SPATA16: variants seen among roughly 807,000 people sequenced by gnomAD.
SPATA16 encodes the protein spermatogenesis-associated protein 16.
SPATA16 carries 36 observed loss-of-function variants against 63.3 expected under a neutral mutation model. The observed-to-expected ratio is 0.57, with a 90% CI of 0.44 to 0.75. The LOEUF is 0.75. SPATA16 is among the 30% of genes least tolerant of loss of function. The probability of loss-of-function intolerance (pLI) is 0.00; values close to 1 mark genes in which losing one functional copy is unlikely to be tolerated. For missense variants in SPATA16, 646 were observed against 679.3 expected (o/e 0.95, Z 0.54); for synonymous variants, 203 against 216.7 (o/e 0.94, Z 0.56).
At chr3:172,998,555 A>G (rs552088801) in intron 4 of SPATA16, among the ~76,000 whole-genome samples, 1 of 152,158 alleles carries the variant, frequency 6.6e-6, no homozygotes, top group Admixed American at 6.6e-5. Context: ...TTATTGTATT[A>G]GCTAAGACTT....
At chr3:173,128,387 C>A (rs1738283566) in intron 1 of SPATA16, among the ~76,000 whole-genome samples, 1 of 152,174 alleles carries the variant, frequency 6.6e-6, no homozygotes, top group South Asian at 2.1e-4. Flanking sequence ...TCTGTAATGA[C>A]CTGTGTCAGT....
intron 6 of SPATA16, among the ~76,000 whole-genome samples, chr3:172,926,181 A>T (rs757047924): frequency 4.9e-5 from 5 of 102,218 alleles, no homozygotes; most frequent in Admixed American, 2.7e-4. Flanking sequence ...TGTTAGTTAT[A>T]AAAAAAAAAG....
chr3:173,064,294 C>T (rs538640587), intron 2 of SPATA16, among the ~76,000 whole-genome samples: 21 of 131,776 alleles, frequency 1.6e-4, no homozygotes, highest in African/African-American at 3.9e-4. Context: ...AGCAACAGAG[C>T]GAAACTCCAT....
intron 6 of SPATA16, 101 bp from the exon 7 acceptor site, chr3:172,925,593 T>A: frequency 7.1e-7 from 1 of 1,408,814 alleles, no homozygotes; most frequent in African/African-American, 1.4e-5. Context: ...GAAAAAATAA[T>A]AACTATAAAT....
intron 4 of SPATA16, among the ~76,000 whole-genome samples, chr3:173,009,666 G>A (rs576676833): frequency 6.6e-6 from 1 of 152,352 alleles, no homozygotes; most frequent in East Asian, 1.9e-4. Flanking sequence ...CTCTGCTGCT[G>A]CTCGCCAGGC....
At chr3:172,945,330 G>T (rs1219826536) in intron 6 of SPATA16, among the ~76,000 whole-genome samples, 5 of 152,128 alleles carry the variant, frequency 3.3e-5, no homozygotes, top group African/African-American at 1.2e-4. Flanking sequence ...CTAATAAGGA[G>T]GAGGCAGAGC....
intron 5 of SPATA16, among the ~76,000 whole-genome samples, chr3:172,972,770 C>G (rs1185682595): frequency 6.6e-6 from 1 of 152,074 alleles, no homozygotes; most frequent in African/African-American, 2.4e-5. Context: ...CTGACGAAGA[C>G]TTGAGAGTTT....
chr3:173,057,479 A>G (rs1026100461), intron 2 of SPATA16, among the ~76,000 whole-genome samples: 2 of 150,150 alleles, frequency 1.3e-5, no homozygotes, highest in Non-Finnish European at 3.0e-5. Context: ...ATTCCTATCT[A>G]TTAGGCTCTC....
chr3:172,956,568 C>T, intron 6 of SPATA16, 109 bp downstream of exon 6: 2 of 1,223,490 alleles, frequency 1.6e-6, no homozygotes, highest in Non-Finnish European at 2.3e-6. Context: ...CAGATGAAAA[C>T]AGTGTACTCC....
Position 173,051,781 on chromosome 3 carries a change from T to G in SPATA16, c.613-2687A>C, listed in dbSNP as rs527324215. Among the ~76,000 whole-genome samples the G allele has an allele frequency of 4.3e-4, 66 of 151,960 alleles. 1 individual carries two copies. Among genetic ancestry groups the G allele is most frequent in the Non-Finnish European group, 8.8e-4 (60 of 67,958 alleles). On this transcript the variant is annotated intron_variant, in intron 2 of 10. Coordinates refer to ENST00000351008, the MANE Select transcript of SPATA16 (RefSeq NM_031955.6). The stretch of plus-strand genomic sequence containing the variant: ...TTCCTATCCTTGTTTCTCTCTGATG[T>G]GATGGTGTGGAAGAGCCTCTTTTTA...
intron 2 of SPATA16, among the ~76,000 whole-genome samples, chr3:173,080,979 A>G (rs1736909066): frequency 6.6e-6 from 1 of 152,180 alleles, no homozygotes; most frequent in Non-Finnish European, 1.5e-5. Flanking sequence ...CCAGCCTGCA[A>G]GTGCTCTGTT....
intron 1 of SPATA16, among the ~76,000 whole-genome samples, chr3:173,119,415 A>G (rs2108338772): frequency 6.6e-6 from 1 of 152,328 alleles, no homozygotes. Context: ...TAACCTTTGA[A>G]GTACTTTCCC....
At chr3:173,129,737 C>T (rs965184855) in intron 1 of SPATA16, among the ~76,000 whole-genome samples, 5 of 152,016 alleles carry the variant, frequency 3.3e-5, no homozygotes, top group South Asian at 2.1e-4. Context: ...ACATGAAAAT[C>T]GAGTCAAGAC....
intron 6 of SPATA16, among the ~76,000 whole-genome samples, chr3:172,954,941 C>T (rs1228306672): frequency 6.6e-6 from 1 of 152,180 alleles, no homozygotes; most frequent in Non-Finnish European, 1.5e-5. Context: ...TATCAAGATT[C>T]TCTATAGCAC....
intron 3 of SPATA16, among the ~76,000 whole-genome samples, chr3:173,041,794 C>T (rs115667185): frequency 0.029 from 4,374 of 150,302 alleles, 210 homozygotes; most frequent in African/African-American, 0.099. Context: ...CATCACACAC[C>T]GGGGCTGTTG....
chr3:173,100,707 C>CACAGAG (rs1553803001), intron 2 of SPATA16, among the ~76,000 whole-genome samples: 1 of 143,930 alleles, frequency 6.9e-6, no homozygotes. Flanking sequence ...CACACACACA[C>CACAGAG]AGAGTAAATT....
In SPATA16 at chr3:172,997,327, A is replaced by G. The variant is rs576911322; in HGVS notation, c.849-20275T>C. On this transcript the variant is annotated intron_variant, in intron 4 of 10. Coordinates refer to ENST00000351008, the MANE Select transcript of SPATA16 (RefSeq NM_031955.6). ...TTTTAATAGGTGTGTAGTGGTTGGTATCTCATTATTGTTTTAATTTGCATT... is the reference window on the plus strand; with the variant it reads ...TTTTAATAGGTGTGTAGTGGTTGGTGTCTCATTATTGTTTTAATTTGCATT... 3.3e-5 allele frequency among the ~76,000 whole-genome samples: 5 copies of G among 152,186 alleles called. No individual in the cohort carries two copies. In the South Asian group the frequency reaches 8.3e-4, roughly 25 times the overall value.
At chr3:172,989,394 T>C (rs1734527355) in intron 4 of SPATA16, among the ~76,000 whole-genome samples, 1 of 152,184 alleles carries the variant, frequency 6.6e-6, no homozygotes, top group South Asian at 2.1e-4. Flanking sequence ...TCGTGTTTCA[T>C]TGGAAGGTGA....
intron 2 of SPATA16, among the ~76,000 whole-genome samples, chr3:173,100,471 T>C (rs1737462173): frequency 6.6e-6 from 1 of 152,146 alleles, no homozygotes; most frequent in Admixed American, 6.6e-5. Context: ...TGACACACTA[T>C]AAAGGCATCA....
Sources: allele counts gnomAD v4.1 joint callset (sites outside exome capture counted in the v4.1 genomes callset), GRCh38; gene constraint gnomAD v4.1.1; transcripts MANE v1.5; gene names NCBI Gene and HGNC (gene_info 2026-07-23, HGNC 2026-07-21).